The following DPP10 variants were observed in gnomAD, a reference collection of about 807,000 sequenced individuals.
The protein encoded by DPP10 is dipeptidyl peptidase like 10.
In DPP10, 33 loss-of-function variants were observed where a neutral mutation model predicts 120.9. The ratio of observed to expected loss-of-function variants is 0.27; its 90% confidence interval spans 0.21 to 0.37. DPP10 has a LOEUF of 0.37. DPP10 is among the 10% of genes least tolerant of loss of function. DPP10 has a pLI of 1.00. For synonymous variants in DPP10, 337 were observed against 326.1 expected (o/e 1.03, Z -0.36); for missense variants, 816 against 942.8 (o/e 0.87, Z 1.76).
chr2:115,731,272 C>A (rs937415493), intron 8 of DPP10, among the ~76,000 whole-genome samples: 2 of 151,932 alleles, frequency 1.3e-5, no homozygotes, highest in South Asian at 4.2e-4. Context: ...GCAGGAAAAT[C>A]GCTTGAACCA....
chr2:114,955,336 G>A (rs1220526192), intron 1 of DPP10, among the ~76,000 whole-genome samples: 3 of 152,088 alleles, frequency 2.0e-5, no homozygotes, highest in African/African-American at 4.8e-5. Flanking sequence ...TATCAGCAAG[G>A]TCTTCATGGC....
At chr2:115,487,016 TA>T (rs1201964943) in intron 3 of DPP10, among the ~76,000 whole-genome samples, 1 of 152,184 alleles carries the variant, frequency 6.6e-6, no homozygotes, top group Non-Finnish European at 1.5e-5. Context: ...ACTTTTTAGG[TA>T]AATGCTTTTA....
chr2:114,897,728 C>A (rs544313796), intron 1 of DPP10, among the ~76,000 whole-genome samples: 1 of 152,084 alleles, frequency 6.6e-6, no homozygotes, highest in African/African-American at 2.4e-5. Context: ...ATTTATGCAG[C>A]CAAAAAACAC....
At chr2:115,706,548 G>A (rs996463275) in intron 7 of DPP10, among the ~76,000 whole-genome samples, 3 of 151,908 alleles carry the variant, frequency 2.0e-5, no homozygotes, top group African/African-American at 7.2e-5. Context: ...AAAGAGCAAT[G>A]TAGATGACAG....
At chr2:115,402,606 A>G (rs1347784618) in intron 3 of DPP10, among the ~76,000 whole-genome samples, 2 of 151,528 alleles carry the variant, frequency 1.3e-5, no homozygotes, top group African/African-American at 2.4e-5. Context: ...AGAAAACTCA[A>G]TAGAGCAATA....
At chr2:115,233,143 TTC>T (rs1455399327) in intron 1 of DPP10, among the ~76,000 whole-genome samples, 1 of 152,158 alleles carries the variant, frequency 6.6e-6, no homozygotes, top group Non-Finnish European at 1.5e-5. Context: ...AAGTAATTTA[TTC>T]TGTTATATAA....
At chr2:115,542,943 T>TA (rs1382302620) in intron 5 of DPP10, among the ~76,000 whole-genome samples, 1 of 152,098 alleles carries the variant, frequency 6.6e-6, no homozygotes, top group Non-Finnish European at 1.5e-5. Context: ...ATTTCCATTT[T>TA]AAAAAATGGA....
intron 1 of DPP10, among the ~76,000 whole-genome samples, chr2:114,591,566 T>G (rs1430423697): frequency 6.7e-6 from 1 of 150,118 alleles, no homozygotes; most frequent in Non-Finnish European, 1.5e-5. Context: ...TTTTTTTTTT[T>G]TTTTTTGAGA....
chr2:114,997,158 A>G (rs1256193355), intron 1 of DPP10, among the ~76,000 whole-genome samples: 1 of 151,918 alleles, frequency 6.6e-6, no homozygotes, highest in African/African-American at 2.4e-5. Flanking sequence ...TCTAACTATT[A>G]AATCACTTAT....
At chr2:115,188,129 C>T (rs2054599154) in intron 1 of DPP10, among the ~76,000 whole-genome samples, 1 of 151,802 alleles carries the variant, frequency 6.6e-6, no homozygotes, top group South Asian at 2.1e-4. Context: ...AAGTAAGTTT[C>T]AAGAATTTTG....
intron 1 of DPP10, among the ~76,000 whole-genome samples, chr2:115,109,709 A>T (rs1027049942): frequency 3.2e-4 from 48 of 152,290 alleles, no homozygotes; most frequent in African/African-American, 1.1e-3. Flanking sequence ...TCTCAATTGG[A>T]GGTGATTCCT....
chr2:114,491,453 C>G (rs778797152), intron 1 of DPP10, among the ~76,000 whole-genome samples: 11 of 152,150 alleles, frequency 7.2e-5, no homozygotes, highest in Non-Finnish European at 1.2e-4. Flanking sequence ...ATAATTACTT[C>G]CTTTCTTTGC....
chr2:115,428,190 T>C (rs1023800127), intron 3 of DPP10, among the ~76,000 whole-genome samples: 1 of 152,180 alleles, frequency 6.6e-6, no homozygotes, highest in African/African-American at 2.4e-5. Flanking sequence ...AAGCAGTCTT[T>C]AAGAAGTTCT....
At chr2:114,646,338 T>C (rs1303996133) in intron 1 of DPP10, among the ~76,000 whole-genome samples, 1 of 151,882 alleles carries the variant, frequency 6.6e-6, no homozygotes, top group African/African-American at 2.4e-5. Flanking sequence ...ACAAAATGAA[T>C]GGAGACAAAT....
At chr2:115,162,003 C>T in intron 1 of DPP10, 2 of 1,385,500 alleles carry the variant, frequency 1.4e-6, no homozygotes, top group Non-Finnish European at 9.3e-7. Flanking sequence ...GGGGCCAGGG[C>T]GAGCCAGGCG....
rs367695018 is a variant in DPP10, at chr2:115,801,978, CTATTGATTGGAA to C, written c.1700+10625_1700+10636del. ...GAGTTAGGGAGGATTCCCTCTTTTTCTATTGATTGGAATAGTTTCAGAAGGAATGGTACCAGC... is the reference window on the plus strand; with the variant it reads ...GAGTTAGGGAGGATTCCCTCTTTTTCTAGTTTCAGAAGGAATGGTACCAGC... On this transcript the variant is annotated intron_variant, in intron 19 of 25. Transcript: ENST00000410059. Among the ~76,000 whole-genome samples, 64 of 152,186 alleles carry C rather than the reference CTATTGATTGGAA, an allele frequency of 4.2e-4. 1 individual carries two copies. The East Asian group carries it at 0.012, about 28-fold the overall frequency.
intron 1 of DPP10, among the ~76,000 whole-genome samples, chr2:114,825,016 G>A (rs1011731426): frequency 3.3e-5 from 5 of 152,238 alleles, no homozygotes; most frequent in Middle Eastern, 3.4e-3. Flanking sequence ...AATCTTCTCC[G>A]TGCAGTTAAC....
At position 115,751,447 on chromosome 2, in the gene DPP10, C is replaced by T. The variant is rs566456525; in HGVS notation, c.951-1727C>T. ...CAATGTTGCCTTATTAACTCTACTTCGGGCACTTTATGTTTTGATTTCACT... is the reference window on the plus strand; with the variant it reads ...CAATGTTGCCTTATTAACTCTACTTTGGGCACTTTATGTTTTGATTTCACT... On this transcript the variant is annotated intron_variant, in intron 10 of 25. Coordinates refer to ENST00000410059, the MANE Select transcript of DPP10 (RefSeq NM_020868.6). Among the ~76,000 whole-genome samples, 252 of 152,240 alleles carry T rather than the reference C, an allele frequency of 1.7e-3. 1 individual carries two copies. The highest frequency in any genetic ancestry group is 6.8e-3 in the Middle Eastern group (2 of 294).
chr2:115,615,472 A>G (rs532120703), intron 5 of DPP10, among the ~76,000 whole-genome samples: 26 of 152,276 alleles, frequency 1.7e-4, no homozygotes, highest in African/African-American at 6.0e-4. Context: ...CACAAACACA[A>G]ATTCTGCTCT....
Sources: gnomAD v4.1 joint callset for allele counts (sites outside exome capture counted in the v4.1 genomes callset) on GRCh38, gnomAD v4.1.1 for gene constraint, MANE v1.5 for transcripts, NCBI Gene and HGNC (gene_info 2026-07-23, HGNC 2026-07-21) for gene names.